Variants in CFTR observed in about 807,000 individuals in gnomAD.
The protein encoded by CFTR is cystic fibrosis transmembrane conductance regulator.
A neutral mutation model predicts 171.6 loss-of-function variants in CFTR; 181 were observed. That is an observed-to-expected ratio of 1.05 (90% CI 0.93 to 1.19). The LOEUF is 1.19. CFTR is among the 50% of genes most tolerant of loss of function. The pLI is 0.00. For synonymous variants in CFTR, 583 were observed against 608.0 expected, an observed-to-expected ratio of 0.96 and a Z score of 0.60; for missense variants, 1,968 against 1,734.7, an observed-to-expected ratio of 1.13 and a Z score of -2.39.
chr7:117,651,625 TA>T (rs1793091812), intron 23 of CFTR, among the ~76,000 whole-genome samples: 2 of 152,202 alleles, frequency 1.3e-5, no homozygotes, highest in African/African-American at 4.8e-5. Flanking sequence ...AGGTGATTTT[TA>T]TGTAGGTTGA....
At chr7:117,509,470 A>G (rs1798479128) in intron 3 of CFTR, among the ~76,000 whole-genome samples, 1 of 152,186 alleles carries the variant, frequency 6.6e-6, no homozygotes, top group African/African-American at 2.4e-5. Context: ...GCTGTATTCA[A>G]CAGGAGAGTG....
At chr7:117,614,190 C>T (rs1340730099) in intron 20 of CFTR, among the ~76,000 whole-genome samples, 1 of 152,040 alleles carries the variant, frequency 6.6e-6, no homozygotes, top group African/African-American at 2.4e-5. Flanking sequence ...TGTTTGGACA[C>T]TCTTCCCCTG....
intron 16 of CFTR, among the ~76,000 whole-genome samples, chr7:117,603,150 G>A (rs1027329803): frequency 3.3e-5 from 5 of 151,804 alleles, no homozygotes; most frequent in African/African-American, 1.2e-4. Context: ...ACTCCAGCCT[G>A]GACAATATAG....
intron 24 of CFTR, among the ~76,000 whole-genome samples, chr7:117,656,864 T>C (rs1008401436): frequency 1.3e-5 from 2 of 152,116 alleles, no homozygotes; most frequent in Admixed American, 6.6e-5. Context: ...CTGCCTTCCT[T>C]CACAGTGGAC....
intron 4 of CFTR, among the ~76,000 whole-genome samples, chr7:117,531,479 G>A (rs35802833): frequency 3.9e-5 from 6 of 151,912 alleles, no homozygotes; most frequent in Non-Finnish European, 8.8e-5. Context: ...TTTATGTTCA[G>A]CAAGAAGAGT....
At chr7:117,571,577 G>A (rs1791687793) in intron 11 of CFTR, among the ~76,000 whole-genome samples, 2 of 152,142 alleles carry the variant, frequency 1.3e-5, no homozygotes, top group South Asian at 2.1e-4. Context: ...AGCTAGATGA[G>A]TTTAAGGTAG....
chr7:117,506,520 A>T (rs1037542201), intron 2 of CFTR, among the ~76,000 whole-genome samples: 4 of 152,198 alleles, frequency 2.6e-5, no homozygotes, highest in Non-Finnish European at 4.4e-5. Context: ...TGCTGGGATT[A>T]TAGGTGTGAG....
chr7:117,510,049 T>C (rs994455852), intron 3 of CFTR, among the ~76,000 whole-genome samples: 2 of 152,140 alleles, frequency 1.3e-5, no homozygotes, highest in Non-Finnish European at 1.5e-5. Context: ...TTAAAACTTA[T>C]CTTAACAAAG....
intron 3 of CFTR, among the ~76,000 whole-genome samples, chr7:117,523,669 G>A (rs1251435072): frequency 6.6e-6 from 1 of 152,108 alleles, no homozygotes; most frequent in Non-Finnish European, 1.5e-5. Flanking sequence ...GAGCCACCGC[G>A]CCCGGCCCCT....
chr7:117,652,483 GT>G (rs35921938), intron 23 of CFTR, among the ~76,000 whole-genome samples: 52 of 152,094 alleles, frequency 3.4e-4, no homozygotes, highest in South Asian at 1.5e-3. Flanking sequence ...AACTTATTGG[GT>G]TTTTTTACCT....
intron 25 of CFTR, among the ~76,000 whole-genome samples, chr7:117,665,062 T>G (rs1793350959): frequency 6.6e-6 from 1 of 152,258 alleles, no homozygotes; most frequent in Admixed American, 6.5e-5. Context: ...GAAGATAGTT[T>G]TTAGTTTCAT....
intron 23 of CFTR, among the ~76,000 whole-genome samples, chr7:117,651,387 C>A (rs1793087712): frequency 6.6e-6 from 1 of 152,134 alleles, no homozygotes; most frequent in South Asian, 2.1e-4. Context: ...AAATAATGAA[C>A]TGACTCAAGT....
rs536183866 is a variant in CFTR, at chr7:117,529,634, A to T, written c.274-1265A>T. ...AATGAGCAGCTACACAAAGCTGCTC[A>T]ATCAATGACAGCTCTATATGGGTTA... On this transcript the variant is annotated intron_variant, in intron 3 of 26. Transcript: ENST00000003084. 4.2e-3 allele frequency among the ~76,000 whole-genome samples: 647 copies of T among 152,284 alleles called. 3 individuals carry two copies. Among genetic ancestry groups the T allele is most frequent in the Middle Eastern group, 0.034 (10 of 294 alleles).
Position 117,603,683 on chromosome 7 carries a change from C to CT in CFTR, c.2810dup (p.Val938GlyfsTer37), listed in dbSNP as rs193922510. 1.9e-6 allele frequency: 3 copies of CT among 1,613,996 alleles called. No homozygotes were observed. The highest frequency in any genetic ancestry group is 2.5e-6 in the Non-Finnish European group (3 of 1,179,976). On this transcript the variant is annotated frameshift_variant, in exon 17 of 27. Transcript: ENST00000003084. LOFTEE classifies it high-confidence loss of function. Reference sequence around the variant, plus strand: ...TATGGGATTCTTCAGAGGTCTACCACTGGTGCATACTCTAATCACAGTGTC... The same window carrying CT: ...TATGGGATTCTTCAGAGGTCTACCACTTGGTGCATACTCTAATCACAGTGTC...
Position 117,664,669 on chromosome 7 carries a change from CT to C in CFTR, c.3964-18del. ...TGTTTTTAACTCTGTGGTATCTGAA[CT>C]ATCTTCTCTAACTGCAGGTTGGGCT... On this transcript the variant is annotated intron_variant, in intron 24 of 26. Transcript: ENST00000003084. 7 of 1,611,718 alleles carry C rather than the reference CT, an allele frequency of 4.3e-6. No individual in the cohort carries two copies. The highest frequency in any genetic ancestry group is 5.9e-6 in the Non-Finnish European group (7 of 1,177,938).
intron 24 of CFTR, among the ~76,000 whole-genome samples, chr7:117,662,627 CA>C (rs67726000): frequency 0.025 from 3,874 of 152,210 alleles, 155 homozygotes; most frequent in African/African-American, 0.087. Context: ...GGATTTAAAA[CA>C]GAAATGATAT....
chr7:117,650,644 A>G (rs758087447), intron 23 of CFTR, among the ~76,000 whole-genome samples: 5 of 151,844 alleles, frequency 3.3e-5, no homozygotes, highest in Non-Finnish European at 5.9e-5. Flanking sequence ...GTGTGCTTCC[A>G]TTGGATGTGT....
chr7:117,538,313 T>C lies in CFTR; in HGVS notation c.869+1640T>C, dbSNP rs181575654. Among the ~76,000 whole-genome samples the C allele has an allele frequency of 6.5e-3, 994 of 152,338 alleles. 4 individuals carry two copies. In the Middle Eastern group the frequency reaches 0.068, roughly 10 times the overall value. On this transcript the variant is annotated intron_variant, in intron 7 of 26. Transcript: ENST00000003084. Reference sequence around the variant, plus strand: ...AAAGCTCTCTGAAAATCCACTCTTTTATTGCTCTTTAGTAATAAAGTCACT... The same window carrying C: ...AAAGCTCTCTGAAAATCCACTCTTTCATTGCTCTTTAGTAATAAAGTCACT...
chr7:117,518,909 T>C (rs1291070995), intron 3 of CFTR, among the ~76,000 whole-genome samples: 1 of 152,210 alleles, frequency 6.6e-6, no homozygotes, highest in Non-Finnish European at 1.5e-5. Flanking sequence ...AGTATTACTT[T>C]AGAAATTAAA....
Sources: gnomAD v4.1 joint callset for allele counts (sites outside exome capture counted in the v4.1 genomes callset) on GRCh38, gnomAD v4.1.1 for gene constraint, MANE v1.5 for transcripts, NCBI Gene and HGNC (gene_info 2026-07-23, HGNC 2026-07-21) for gene names.